The following BIRC6 variants were observed in gnomAD, a reference collection of about 807,000 sequenced individuals.
BIRC6 encodes baculoviral IAP repeat containing 6.
Under a neutral mutation model 503.3 loss-of-function variants are expected in BIRC6, and 98 were observed. The observed-to-expected ratio is 0.19, with a 90% confidence interval of 0.17 to 0.23. The LOEUF (loss-of-function observed/expected upper bound fraction) is 0.23. Ranked by LOEUF, BIRC6 falls within the 10% of genes least tolerant of loss-of-function variation. The pLI, the probability that BIRC6 is intolerant of heterozygous loss-of-function variation, is 1.00. For missense variants in BIRC6, 5,360 were observed against 5,806.0 expected (o/e 0.92, Z 2.50); for synonymous variants, 2,240 against 2,078.7 (o/e 1.08, Z -2.11).
chr2:32,558,724 T>TG (rs1182511643), intron 65 of BIRC6: 5 of 152,188 alleles, frequency 3.3e-5, no homozygotes, highest in Non-Finnish European at 7.3e-5. Flanking sequence ...GAATGAACCT[T>TG]TTCTCTTCAC....
In BIRC6 at chr2:32,617,767, T is replaced by C; in HGVS notation, c.14437T>C (p.Cys4813Arg). The change falls in exon 74 of 74, where the codon TGC becomes CGC. Residue 4813 changes from cysteine to arginine, a missense_variant. Cys to Arg is a radical substitution (Grantham distance 180, BLOSUM62 -3). Around this residue, in one of 16 missense-constraint regions of BIRC6, gnomAD observed 140 missense variants for 130.2 expected, o/e 1.07. Coordinates refer to ENST00000421745, the MANE Select transcript of BIRC6 (RefSeq NM_016252.4). ...CCGCGAAGAGTTGCTGAAACTTCCC[T>C]GCCCTGAAGGCTTGGATCCTGACAC... ...QLREELLKLP[C>R]PEGLDPDTDD... 1 of 1,614,046 alleles carries C rather than the reference T, an allele frequency of 6.2e-7. No homozygotes were observed. The highest frequency in any genetic ancestry group is 8.5e-7 in the Non-Finnish European group (1 of 1,179,890).
rs769998717 is a variant in BIRC6, at chr2:32,545,669, A to G, written c.12619A>G (p.Asn4207Asp). 4.3e-6 allele frequency: 7 copies of G among 1,613,722 alleles called. No individual in the cohort carries two copies. The highest frequency in any genetic ancestry group is 3.3e-4 in the Middle Eastern group (2 of 6,058). The change falls in exon 63 of 74, where the codon AAT becomes GAT. Residue 4207 changes from asparagine to aspartate, a missense_variant. Around this residue, in one of 16 missense-constraint regions of BIRC6, gnomAD observed 477 missense variants for 574.4 expected, o/e 0.83. Transcript: ENST00000421745. ...TCATATTCTTCAATCTCCATCAGCC[A>G]ATGTGCTTCCAACCCTTCCTTTCCA... ...GSHILQSPSA[N>D]VLPTLPFHVL...
chr2:32,589,656 A>G (rs2061284628), intron 66 of BIRC6, among the ~76,000 whole-genome samples: 1 of 152,132 alleles, frequency 6.6e-6, no homozygotes, highest in Non-Finnish European at 1.5e-5. Context: ...AAACAAGTTC[A>G]GTTGTTTGTC....
At chr2:32,500,158 G>GT (rs1449565602) in intron 46 of BIRC6, 49 bp downstream of exon 46, 46 of 1,438,932 alleles carry the variant, frequency 3.2e-5, no homozygotes, top group African/African-American at 2.1e-4. Context: ...TACTATAACT[G>GT]GTTTTTTTTT....
intron 3 of BIRC6, among the ~76,000 whole-genome samples, chr2:32,387,189 A>C (rs1478958898): frequency 6.6e-6 from 1 of 152,116 alleles, no homozygotes; most frequent in Non-Finnish European, 1.5e-5. Flanking sequence ...TACAGTACCA[A>C]CTATAGTTGG....
chr2:32,518,037 C>G (rs2055247239), intron 55 of BIRC6, among the ~76,000 whole-genome samples: 1 of 151,328 alleles, frequency 6.6e-6, no homozygotes. Context: ...ACACTTTTAT[C>G]TCCTTTGGTA....
At chr2:32,377,528 T>C in intron 1 of BIRC6, 60 bp from the exon 2 acceptor site, 1 of 1,375,452 alleles carries the variant, frequency 7.3e-7, no homozygotes, top group Non-Finnish European at 9.9e-7. Context: ...TGTAAACATT[T>C]ATTTTTAATA....
At chr2:32,539,870 T>A (rs2057524582) in intron 61 of BIRC6, among the ~76,000 whole-genome samples, 1 of 152,034 alleles carries the variant, frequency 6.6e-6, no homozygotes, top group South Asian at 2.1e-4. Context: ...CATTTTGTCT[T>A]TTGAGACTTC....
chr2:32,426,406 C>T (rs1207809309), intron 10 of BIRC6, among the ~76,000 whole-genome samples: 1 of 152,118 alleles, frequency 6.6e-6, no homozygotes, highest in Non-Finnish European at 1.5e-5. Flanking sequence ...AGTTCAAGAC[C>T]AGCCTGGCCA....
At chr2:32,529,100 A>G (rs775111442) in intron 59 of BIRC6, 10 of 152,202 alleles carry the variant, frequency 6.6e-5, no homozygotes, top group African/African-American at 1.4e-4. Context: ...TTAGCTTTAC[A>G]TTGTTGATTC....
rs758763656 is a variant in BIRC6, at chr2:32,508,246, G to T, written c.9967G>T (p.Val3323Leu). ...NNPFLPSEDQVSKTSIGWLRL... is the reference protein window; with the variant it reads ...NNPFLPSEDQLSKTSIGWLRL... ...TCCATTCCTTCCATCTGAAGATCAG[G>T]TATCCAAAACAAGGTATGTTTTGTT... is the stretch of plus-strand genomic sequence containing the variant. The change falls in exon 51 of 74, where the codon GTA becomes TTA. Residue 3323 changes from valine (V) to leucine (L), a missense_variant. Physicochemically the swap from Val to Leu is conservative, Grantham distance 32. This residue lies in a region of BIRC6 where 62 missense variants were observed against 107.4 expected (regional missense o/e 0.58). Coordinates refer to ENST00000421745, the MANE Select transcript of BIRC6 (RefSeq NM_016252.4). 7 of 1,406,398 alleles carry T rather than the reference G, an allele frequency of 5.0e-6. No individual in the cohort carries two copies. Among genetic ancestry groups the T allele is most frequent in the Non-Finnish European group, 6.8e-6 (7 of 1,028,794 alleles). The allele number at this position is 1,406,398 out of a possible 1,614,324, so 87.1% of individuals were successfully genotyped here.
chr2:32,388,755 C>G lies in BIRC6; in HGVS notation c.651C>G (p.Ala217=). Residue 217 remains alanine, a synonymous_variant, in exon 4 of 74, where the codon GCC becomes GCG. Transcript: ENST00000421745. ...ATACTCCCATTTTCTTTCAGTGGGCCACAGTTACATTTCATCTTCCTCATC... is the reference window on the plus strand; with the variant it reads ...ATACTCCCATTTTCTTTCAGTGGGCGACAGTTACATTTCATCTTCCTCATC... ...TAANHKVAKW[A]TVTFHLPHHV... 1 of 1,592,770 alleles carries G rather than the reference C, an allele frequency of 6.3e-7. No homozygotes were observed. The highest frequency in any genetic ancestry group is 1.1e-5 in the South Asian group (1 of 87,694).
At chr2:32,449,571 A>T (rs1463296458) in intron 22 of BIRC6, among the ~76,000 whole-genome samples, 3 of 152,214 alleles carry the variant, frequency 2.0e-5, no homozygotes, top group Non-Finnish European at 4.4e-5. Context: ...TGTTGTTAGG[A>T]TACAAAAATG....
At chr2:32,362,555 T>C (rs1156400580) in intron 1 of BIRC6, among the ~76,000 whole-genome samples, 1 of 152,034 alleles carries the variant, frequency 6.6e-6, no homozygotes, top group Non-Finnish European at 1.5e-5. Flanking sequence ...CTTGACCTCA[T>C]GATCTGCCTG....
chr2:32,365,429 C>T (rs1249730434), intron 1 of BIRC6, among the ~76,000 whole-genome samples: 1 of 151,520 alleles, frequency 6.6e-6, no homozygotes, highest in Non-Finnish European at 1.5e-5. Context: ...AAGCGATTCT[C>T]CTGCCTCAGC....
At chr2:32,441,751 G>C (rs934666251) in intron 17 of BIRC6, among the ~76,000 whole-genome samples, 3 of 152,132 alleles carry the variant, frequency 2.0e-5, no homozygotes. Context: ...TACTCAAGAC[G>C]TGGGGGTAGG....
rs1432523178 is a variant in BIRC6, at chr2:32,548,006, C to T, written c.12967C>T (p.Leu4323Phe). 4.4e-6 allele frequency: 7 copies of T among 1,596,856 alleles called. No homozygotes were observed. Among genetic ancestry groups the T allele is most frequent in the Non-Finnish European group, 6.0e-6 (7 of 1,175,044 alleles). Residue 4323 changes from leucine to phenylalanine, a missense_variant, in exon 64 of 74, where the codon CTT becomes TTT. By Grantham distance (22) the Leu-to-Phe change is conservative (BLOSUM62 0). Transcript: ENST00000421745. ...QRLEEEHVTC[L>F]LQVLASYINP... ...GCTGGAAGAGGAACATGTTACCTGC[C>T]TTCTGCAGGTATATTTGTAAACTTG...
chr2:32,562,122 A>T (rs2059235596), intron 65 of BIRC6, among the ~76,000 whole-genome samples: 1 of 152,030 alleles, frequency 6.6e-6, no homozygotes, highest in South Asian at 2.1e-4. Flanking sequence ...AATTTGTGGG[A>T]TCTCTTTTTC....
At chr2:32,379,932 T>C (rs1222733681) in intron 2 of BIRC6, among the ~76,000 whole-genome samples, 1 of 152,082 alleles carries the variant, frequency 6.6e-6, no homozygotes, top group African/African-American at 2.4e-5. Context: ...AACTTTACCA[T>C]GTAGTATTTC....
Sources: allele counts gnomAD v4.1 joint callset (sites outside exome capture counted in the v4.1 genomes callset), GRCh38; gene constraint gnomAD v4.1.1; regional missense constraint gnomAD v4.1.1; transcripts MANE v1.5; gene names NCBI Gene and HGNC (gene_info 2026-07-23, HGNC 2026-07-21).